Variants in KAZN observed in about 807,000 individuals in gnomAD.
The protein encoded by KAZN is kazrin.
A neutral mutation model predicts 87.4 loss-of-function variants in KAZN; 40 were observed. The observed-to-expected ratio is 0.46, with a 90% CI of 0.36 to 0.60. The LOEUF (loss-of-function observed/expected upper bound fraction) is 0.60. KAZN is among the 20% of genes least tolerant of loss of function. The pLI is 0.00. For synonymous variants in KAZN, 466 were observed against 458.3 expected, an observed-to-expected ratio of 1.02 and a Z score of -0.22; for missense variants, 898 against 1,073.9, an observed-to-expected ratio of 0.84 and a Z score of 2.29.
At position 14,376,008 on chromosome 1, in the gene KAZN, G is replaced by A. The variant is rs1259199234; in HGVS notation, c.249+195416G>A. Among the ~76,000 whole-genome samples the A allele has an allele frequency of 3.3e-5, 5 of 152,276 alleles. No individual in the cohort carries two copies. The East Asian group carries it at 9.6e-4, about 29-fold the overall frequency. On this transcript the variant is annotated intron_variant, in intron 2 of 16. Transcript: ENST00000636203. ...CAAGGCCCCCTTGCAAATACTCCAGGGGACCCTGGCCTCGCATGACTTTGG... is the reference window on the plus strand; with the variant it reads ...CAAGGCCCCCTTGCAAATACTCCAGAGGACCCTGGCCTCGCATGACTTTGG...
intron 1 of KAZN, among the ~76,000 whole-genome samples, chr1:14,845,008 G>C (rs965071775): frequency 6.6e-6 from 1 of 151,914 alleles, no homozygotes; most frequent in Non-Finnish European, 1.5e-5. Flanking sequence ...TAAATGAGTA[G>C]TGGATAGATG....
intron 2 of KAZN, among the ~76,000 whole-genome samples, chr1:14,571,869 A>G (rs1344408751): frequency 6.6e-6 from 1 of 152,238 alleles, no homozygotes; most frequent in Non-Finnish European, 1.5e-5. Context: ...AGTTAGCACC[A>G]GAGTGGGCTG....
intron 2 of KAZN, among the ~76,000 whole-genome samples, chr1:14,379,292 G>T (rs935286010): frequency 7.2e-5 from 11 of 151,850 alleles, no homozygotes; most frequent in Non-Finnish European, 2.9e-5. Context: ...GCTGGCTTCA[G>T]GTGAGACTCA....
intron 1 of KAZN, among the ~76,000 whole-genome samples, chr1:14,034,995 T>A (rs1641488022): frequency 6.6e-6 from 1 of 152,090 alleles, no homozygotes; most frequent in African/African-American, 2.4e-5. Context: ...AAACTCTCAT[T>A]TGATGTGATT....
At chr1:14,091,503 A>G (rs1280614118) in intron 1 of KAZN, among the ~76,000 whole-genome samples, 3 of 152,190 alleles carry the variant, frequency 2.0e-5, no homozygotes, top group Admixed American at 2.0e-4. Context: ...TGATTACTCC[A>G]TCATGGTCAG....
chr1:14,723,585 A>G (rs1166344520), intron 1 of KAZN, among the ~76,000 whole-genome samples: 2 of 152,204 alleles, frequency 1.3e-5, no homozygotes, highest in Admixed American at 1.3e-4. Context: ...ACTGCCTGGG[A>G]CAAAAGGCCC....
chr1:14,922,879 G>A (rs1168837392), intron 1 of KAZN, among the ~76,000 whole-genome samples: 1 of 152,168 alleles, frequency 6.6e-6, no homozygotes, highest in Admixed American at 6.5e-5. Context: ...CCATCATTGG[G>A]AAGGTGAGGA....
rs1041490384 is a variant in KAZN at position 15,097,679 on chromosome 1, G to A, written c.1547+2746G>A. Among the ~76,000 whole-genome samples the A allele has an allele frequency of 6.6e-5, 10 of 152,262 alleles. No individual in the cohort carries two copies. In the South Asian group the frequency reaches 8.3e-4, roughly 13 times the overall value. ...ACTAAAAATAGAAAAATTAGTAGGCGTGGTGGTGTGTGCCTGTGATCCCAG... is the reference window on the plus strand; with the variant it reads ...ACTAAAAATAGAAAAATTAGTAGGCATGGTGGTGTGTGCCTGTGATCCCAG... On this transcript the variant is annotated intron_variant, in intron 10 of 14. Transcript: ENST00000376030.
intron 2 of KAZN, among the ~76,000 whole-genome samples, chr1:14,321,915 G>T (rs1656076855): frequency 6.6e-6 from 1 of 152,158 alleles, no homozygotes; most frequent in African/African-American, 2.4e-5. Flanking sequence ...CTTCCCTAGG[G>T]AAATGAACTC....
At chr1:14,449,407 T>C (rs1667146280) in intron 2 of KAZN, among the ~76,000 whole-genome samples, 1 of 152,138 alleles carries the variant, frequency 6.6e-6, no homozygotes, top group African/African-American at 2.4e-5. Context: ...ACCAGAATAT[T>C]TTGCCATCAC....
intron 2 of KAZN, among the ~76,000 whole-genome samples, chr1:14,392,302 A>G (rs1360669316): frequency 2.0e-5 from 3 of 152,186 alleles, no homozygotes; most frequent in South Asian, 2.1e-4. Context: ...ATATTACAGC[A>G]TATCTAGTAA....
At chr1:14,264,785 C>T (rs1423703166) in intron 2 of KAZN, among the ~76,000 whole-genome samples, 1 of 152,226 alleles carries the variant, frequency 6.6e-6, no homozygotes, top group African/African-American at 2.4e-5. Context: ...AAATCAATTT[C>T]CTCTTCTGCC....
At chr1:14,768,186 A>G (rs930789993) in intron 1 of KAZN, among the ~76,000 whole-genome samples, 1 of 152,230 alleles carries the variant, frequency 6.6e-6, no homozygotes, top group Non-Finnish European at 1.5e-5. Flanking sequence ...ATCACAATAA[A>G]ACAATAAAGA....
intron 2 of KAZN, among the ~76,000 whole-genome samples, chr1:14,407,772 A>G (rs988044596): frequency 6.6e-6 from 1 of 152,166 alleles, no homozygotes; most frequent in African/African-American, 2.4e-5. Context: ...TTTTTTTTAA[A>G]AAGACAAATA....
At position 14,313,898 on chromosome 1, in the gene KAZN, G is replaced by A. The variant is rs191211017; in HGVS notation, c.249+133306G>A. The stretch of plus-strand genomic sequence containing the variant: ...TCCAAAAGGGTTGGGAATCATAAAT[G>A]TAGGAAAAAAAATGATGGCTTAGCT... On this transcript the variant is annotated intron_variant, in intron 2 of 16. Transcript: ENST00000636203. Among the ~76,000 whole-genome samples, 11 of 151,688 alleles carry A rather than the reference G, an allele frequency of 7.3e-5. No individual in the cohort carries two copies. In the East Asian group the frequency reaches 1.9e-3, roughly 27 times the overall value.
intron 1 of KAZN, among the ~76,000 whole-genome samples, chr1:13,994,210 G>A (rs992689882): frequency 2.6e-5 from 4 of 152,086 alleles, no homozygotes; most frequent in African/African-American, 9.7e-5. Flanking sequence ...GTCCCTTCTG[G>A]ACAAAGCCCA....
intron 1 of KAZN, among the ~76,000 whole-genome samples, chr1:14,600,263 T>C (rs1213883572): frequency 1.3e-5 from 2 of 152,204 alleles, no homozygotes; most frequent in East Asian, 3.9e-4. Flanking sequence ...AAGTGCAAGG[T>C]ACCAATTGCT....
intron 1 of KAZN, among the ~76,000 whole-genome samples, chr1:14,872,174 C>T (rs543548489): frequency 2.6e-5 from 4 of 152,124 alleles, no homozygotes; most frequent in Non-Finnish European, 5.9e-5. Context: ...TCAAGACTAG[C>T]CTCTGCTTCA....
At chr1:13,978,098 A>G (rs1161838684) in intron 1 of KAZN, among the ~76,000 whole-genome samples, 3 of 131,330 alleles carry the variant, frequency 2.3e-5, no homozygotes, top group Non-Finnish European at 4.6e-5. Context: ...ACTGCACTCC[A>G]GCCCGGGTGA....
Sources: gnomAD v4.1 joint callset for allele counts (sites outside exome capture counted in the v4.1 genomes callset) on GRCh38, gnomAD v4.1.1 for gene constraint, MANE v1.5 for transcripts, NCBI Gene and HGNC (gene_info 2026-07-23, HGNC 2026-07-21) for gene names.